Variants in LARGE1 observed in about 807,000 individuals in gnomAD.
The protein encoded by LARGE1 is xylosyl- and glucuronyltransferase LARGE1.
Under a neutral mutation model 87.6 loss-of-function variants are expected in LARGE1, and 43 were observed. The observed-to-expected ratio is 0.49, with a 90% CI of 0.38 to 0.63. The LOEUF (loss-of-function observed/expected upper bound fraction) is 0.63, where lower values mean the gene tolerates loss of function less well. LARGE1 is among the 30% of genes least tolerant of loss of function. The pLI, the probability that LARGE1 is intolerant of heterozygous loss-of-function variation, is 0.00. For synonymous variants in LARGE1, 434 were observed against 394.6 expected (o/e 1.10, Z -1.18); for missense variants, 802 against 1,000.2 (o/e 0.80, Z 2.67).
intron 12 of LARGE1, among the ~76,000 whole-genome samples, chr22:33,297,250 G>A (rs528944588): frequency 3.7e-4 from 56 of 152,260 alleles, no homozygotes; most frequent in African/African-American, 1.1e-3. Context: ...GAAAAGAGTC[G>A]AACAGAAATC....
intron 1 of LARGE1, among the ~76,000 whole-genome samples, chr22:33,831,400 T>C (rs1342763925): frequency 2.0e-5 from 3 of 152,304 alleles, no homozygotes; most frequent in Admixed American, 2.0e-4. Context: ...CAGAACACTC[T>C]GAAGACAGGA....
chr22:33,495,493 G>C (rs995296760), intron 6 of LARGE1, among the ~76,000 whole-genome samples: 2 of 152,290 alleles, frequency 1.3e-5, no homozygotes, highest in East Asian at 1.9e-4. Context: ...GGCCCAGGCG[G>C]GCTGATCACA....
intron 11 of LARGE1, among the ~76,000 whole-genome samples, chr22:33,220,009 C>T (rs1459753554): frequency 6.6e-6 from 1 of 152,204 alleles, no homozygotes; most frequent in East Asian, 1.9e-4. Context: ...TAAAAGTCCA[C>T]TCTAACCTTG....
At chr22:33,282,397 A>G (rs1930623437) in intron 13 of LARGE1, among the ~76,000 whole-genome samples, 1 of 152,160 alleles carries the variant, frequency 6.6e-6, no homozygotes, top group Non-Finnish European at 1.5e-5. Context: ...AAACACCTGG[A>G]GCAGGCAGAC....
chr22:33,416,371 T>A (rs2066483516), intron 7 of LARGE1, among the ~76,000 whole-genome samples: 2 of 152,008 alleles, frequency 1.3e-5, no homozygotes, highest in Non-Finnish European at 2.9e-5. Context: ...CATGCCACCA[T>A]CCCCCACTTC....
intron 10 of LARGE1, among the ~76,000 whole-genome samples, chr22:33,324,228 C>CAAAAAAAAAAAAAAAAAAAAA (rs1161508287): frequency 9.3e-5 from 1 of 10,738 alleles, no homozygotes; most frequent in Non-Finnish European, 1.6e-4. Context: ...GACTCCATCT[C>CAAAAAAAAAAAAAAAAAAAAA]AAAAAAAAAA....
intron 6 of LARGE1, among the ~76,000 whole-genome samples, chr22:33,480,420 T>TA (rs5845086): frequency 0.99 from 151,168 of 152,276 alleles, 75,033 homozygotes; most frequent in Middle Eastern, 1. Context: ...CAAGCGGGTA[T>TA]AATCTCCTGC....
At chr22:33,785,287 A>G (rs1171464307) in intron 1 of LARGE1, among the ~76,000 whole-genome samples, 1 of 151,892 alleles carries the variant, frequency 6.6e-6, no homozygotes, top group Non-Finnish European at 1.5e-5. Context: ...ATATATACGT[A>G]TATATGTGTA....
the LARGE1 span, among the ~76,000 whole-genome samples, chr22:33,088,257 A>T: frequency 5.9e-5 from 9 of 152,140 alleles, no homozygotes; most frequent in Non-Finnish European, 1.2e-4. Context: ...AAAACCTTCT[A>T]TGGTTGACGG....
At chr22:33,625,411 G>A (rs555261277) in intron 4 of LARGE1, among the ~76,000 whole-genome samples, 15 of 152,344 alleles carry the variant, frequency 9.8e-5, no homozygotes, top group African/African-American at 3.4e-4. Flanking sequence ...CTTCCAGGTA[G>A]AAGAAGAACC....
chr22:33,183,298 GAT>G (rs1262029391), intron 11 of LARGE1, among the ~76,000 whole-genome samples: 1 of 152,070 alleles, frequency 6.6e-6, no homozygotes, highest in Non-Finnish European at 1.5e-5. Flanking sequence ...CACTTCTTAA[GAT>G]GGCTATTATC....
intron 12 of LARGE1, among the ~76,000 whole-genome samples, chr22:33,296,330 G>A (rs1045928033): frequency 6.6e-6 from 1 of 152,194 alleles, no homozygotes; most frequent in Non-Finnish European, 1.5e-5. Context: ...GCTGGGGACT[G>A]TATTAGCAGC....
intron 11 of LARGE1, chr22:33,221,888 A>C (rs1009856271): frequency 6.6e-6 from 1 of 152,242 alleles, no homozygotes; most frequent in Non-Finnish European, 1.5e-5. Flanking sequence ...AAGGAGGTTT[A>C]TATGACAGCA....
Position 33,541,917 on chromosome 22 carries a change from C to G in LARGE1, c.787+22931G>C, listed in dbSNP as rs370568967. ...GTGGCTCATGTCTATAATCCCAGCACTTTGGAAGGCTGAGGCGGGTGGATC... is the reference window on the plus strand; with the variant it reads ...GTGGCTCATGTCTATAATCCCAGCAGTTTGGAAGGCTGAGGCGGGTGGATC... On this transcript the variant is annotated intron_variant, in intron 6 of 14. Transcript: ENST00000397394. Among the ~76,000 whole-genome samples the G allele has an allele frequency of 5.9e-5, 9 of 152,106 alleles. No homozygotes were observed. The South Asian group carries it at 1.7e-3, about 28-fold the overall frequency.
chr22:33,658,316 T>C (rs563734709), intron 2 of LARGE1, among the ~76,000 whole-genome samples: 2 of 152,358 alleles, frequency 1.3e-5, no homozygotes, highest in South Asian at 4.2e-4. Context: ...CCGGGATACA[T>C]GTGCAGGACA....
intron 6 of LARGE1, among the ~76,000 whole-genome samples, chr22:33,455,142 A>T (rs1471452149): frequency 6.6e-6 from 1 of 152,210 alleles, no homozygotes; most frequent in Non-Finnish European, 1.5e-5. Context: ...TGGGTCCATA[A>T]GGGAGGGAAT....
chr22:33,363,096 G>A (rs936259010), intron 9 of LARGE1, among the ~76,000 whole-genome samples: 1 of 149,912 alleles, frequency 6.7e-6, no homozygotes, highest in South Asian at 2.2e-4. Flanking sequence ...TTTCCCACAG[G>A]GGGCTGCTCA....
intron 2 of LARGE1, among the ~76,000 whole-genome samples, chr22:33,662,310 C>T (rs899918529): frequency 1.3e-5 from 2 of 152,054 alleles, no homozygotes; most frequent in African/African-American, 4.8e-5. Flanking sequence ...TGCATGTAAG[C>T]AAGATCAACA....
chr22:33,892,023 T>C (rs558420511), intron 1 of LARGE1, among the ~76,000 whole-genome samples: 54 of 152,328 alleles, frequency 3.5e-4, no homozygotes, highest in Admixed American at 1.9e-3. Context: ...GTTTCGTACC[T>C]TCTCTACCAC....
Sources: allele counts gnomAD v4.1 joint callset (sites outside exome capture counted in the v4.1 genomes callset), GRCh38; gene constraint gnomAD v4.1.1; transcripts MANE v1.5; gene names NCBI Gene and HGNC (gene_info 2026-07-23, HGNC 2026-07-21).